The following ERBB4 variants were observed in gnomAD, a reference collection of about 807,000 sequenced individuals.
ERBB4 encodes the protein receptor tyrosine-protein kinase erbB-4.
A neutral mutation model predicts 158.0 loss-of-function variants in ERBB4; 42 were observed. That is an observed-to-expected ratio of 0.27 (90% CI 0.21 to 0.34). The LOEUF is 0.34. Among genes scored for constraint, ERBB4 ranks in the 10% least tolerant of loss-of-function variants. The pLI, the probability that ERBB4 is intolerant of heterozygous loss-of-function variation, is 1.00. For missense variants in ERBB4, 1,333 were observed against 1,624.1 expected, an observed-to-expected ratio of 0.82 and a Z score of 3.08; for synonymous variants, 583 against 558.7, an observed-to-expected ratio of 1.04 and a Z score of -0.61.
intron 1 of ERBB4, among the ~76,000 whole-genome samples, chr2:212,323,028 T>A (rs2087641218): frequency 6.6e-6 from 1 of 150,652 alleles, no homozygotes; most frequent in African/African-American, 2.4e-5. Context: ...AACTCACATT[T>A]AAAATAAACT....
At chr2:212,089,311 T>C (rs1250870344) in intron 2 of ERBB4, among the ~76,000 whole-genome samples, 2 of 152,168 alleles carry the variant, frequency 1.3e-5, no homozygotes, top group African/African-American at 4.8e-5. Context: ...CCAATCAACA[T>C]TTAAACAACT....
At chr2:212,339,998 C>A (rs904869668) in intron 1 of ERBB4, among the ~76,000 whole-genome samples, 1 of 151,872 alleles carries the variant, frequency 6.6e-6, no homozygotes, top group African/African-American at 2.4e-5. Flanking sequence ...AGCTTTTACT[C>A]TCTTCAAAAT....
chr2:212,153,893 A>ACTGT (rs2080949802), intron 1 of ERBB4, among the ~76,000 whole-genome samples: 1 of 152,150 alleles, frequency 6.6e-6, no homozygotes, highest in Admixed American at 6.6e-5. Flanking sequence ...TTTTTTAAAA[A>ACTGT]AGGCAGATTA....
At chr2:212,221,649 C>T (rs115679772) in intron 1 of ERBB4, among the ~76,000 whole-genome samples, 198 of 151,550 alleles carry the variant, frequency 1.3e-3, no homozygotes, top group African/African-American at 4.5e-3. Flanking sequence ...ACAATCTGTG[C>T]CTGTCAAAAA....
intron 20 of ERBB4, among the ~76,000 whole-genome samples, chr2:211,529,803 C>T (rs2066447176): frequency 6.6e-6 from 1 of 152,062 alleles, no homozygotes; most frequent in South Asian, 2.1e-4. Context: ...AAAATCCTTT[C>T]ACGAATACCC....
intron 16 of ERBB4, among the ~76,000 whole-genome samples, chr2:211,647,968 C>T (rs1266805954): frequency 6.6e-6 from 1 of 151,710 alleles, no homozygotes; most frequent in Non-Finnish European, 1.5e-5. Context: ...TCTGCTCATA[C>T]AAATTATGGA....
chr2:211,933,264 C>G (rs1397783529), intron 3 of ERBB4, among the ~76,000 whole-genome samples: 2 of 152,066 alleles, frequency 1.3e-5, no homozygotes, highest in African/African-American at 2.4e-5. Flanking sequence ...ATGTGAAGTT[C>G]AGCCACACAT....
At chr2:212,255,164 TC>T (rs1321557108) in intron 1 of ERBB4, among the ~76,000 whole-genome samples, 4 of 152,184 alleles carry the variant, frequency 2.6e-5, no homozygotes, top group African/African-American at 9.7e-5. Context: ...CTGAAAATCT[TC>T]ATATTACTGA....
intron 1 of ERBB4, chr2:212,426,264 C>CTAA (rs781670655): frequency 2.3e-5 from 11 of 480,892 alleles, no homozygotes; most frequent in Non-Finnish European, 4.1e-5. Context: ...CAAATGCACA[C>CTAA]TAAAATATTA....
intron 1 of ERBB4, among the ~76,000 whole-genome samples, chr2:212,302,305 TAAG>T (rs146327368): frequency 0.017 from 2,542 of 151,598 alleles, 70 homozygotes; most frequent in African/African-American, 0.059. Flanking sequence ...TATGTGCTGA[TAAG>T]AAGACAATAT....
At chr2:212,159,174 T>C (rs2081128646) in intron 1 of ERBB4, among the ~76,000 whole-genome samples, 2 of 151,920 alleles carry the variant, frequency 1.3e-5, no homozygotes, top group Non-Finnish European at 2.9e-5. Context: ...AGAAACACTT[T>C]GCTGAGCCAC....
intron 1 of ERBB4, among the ~76,000 whole-genome samples, chr2:212,291,266 G>A (rs1012734874): frequency 3.3e-5 from 5 of 152,056 alleles, no homozygotes; most frequent in Admixed American, 3.3e-4. Context: ...TATAGCCCAT[G>A]GCAACAATAC....
intron 20 of ERBB4, among the ~76,000 whole-genome samples, chr2:211,550,056 T>G (rs2067042326): frequency 6.6e-6 from 1 of 152,144 alleles, no homozygotes; most frequent in East Asian, 1.9e-4. Flanking sequence ...TGTATGCATT[T>G]AAAATGTACA....
intron 3 of ERBB4, among the ~76,000 whole-genome samples, chr2:211,875,197 T>C (rs2078468028): frequency 6.6e-6 from 1 of 151,878 alleles, no homozygotes; most frequent in African/African-American, 2.4e-5. Flanking sequence ...TGAGATATCA[T>C]TAATAAAATA....
intron 1 of ERBB4, among the ~76,000 whole-genome samples, chr2:212,403,819 C>T (rs547644179): frequency 6.6e-6 from 1 of 152,068 alleles, no homozygotes; most frequent in South Asian, 2.1e-4. Flanking sequence ...ATGTATTATG[C>T]ACTTAAAAAC....
intron 2 of ERBB4, among the ~76,000 whole-genome samples, chr2:212,015,119 A>T (rs2076498045): frequency 8.0e-6 from 1 of 124,516 alleles, no homozygotes; most frequent in African/African-American, 3.2e-5. Flanking sequence ...TATAAAAATT[A>T]GCCGGGCATG....
At chr2:212,087,325 T>C (rs913122046) in intron 2 of ERBB4, among the ~76,000 whole-genome samples, 1 of 152,038 alleles carries the variant, frequency 6.6e-6, no homozygotes, top group Non-Finnish European at 1.5e-5. Context: ...AAATGATTTA[T>C]ACTGTGATAA....
In ERBB4 at chr2:212,324,391, T is replaced by C. The variant is rs1052755304; in HGVS notation, c.83-199488A>G. On this transcript the variant is annotated intron_variant, in intron 1 of 27. Transcript: ENST00000342788. ...TCTCACTTTGAAAACATCTAATGTATATAGAGCTTTATTATTTAACCCAAT... is the reference window on the plus strand; with the variant it reads ...TCTCACTTTGAAAACATCTAATGTACATAGAGCTTTATTATTTAACCCAAT... 2.7e-5 allele frequency among the ~76,000 whole-genome samples: 4 copies of C among 150,478 alleles called. 1 individual carries two copies. The South Asian group carries it at 8.5e-4, about 32-fold the overall frequency.
intron 2 of ERBB4, among the ~76,000 whole-genome samples, chr2:211,961,185 T>C (rs1002808876): frequency 2.6e-5 from 4 of 151,904 alleles, no homozygotes; most frequent in Admixed American, 2.0e-4. Context: ...GAGAAAAAAA[T>C]GATGGGAGAC....
Sources: gnomAD v4.1 joint callset for allele counts (sites outside exome capture counted in the v4.1 genomes callset) on GRCh38, gnomAD v4.1.1 for gene constraint, MANE v1.5 for transcripts, NCBI Gene and HGNC (gene_info 2026-07-23, HGNC 2026-07-21) for gene names.